The following NKAIN3 variants were observed in gnomAD, a reference collection of about 807,000 sequenced individuals.
NKAIN3 encodes the protein sodium/potassium-transporting ATPase subunit beta-1-interacting protein 3.
NKAIN3 carries 25 observed loss-of-function variants against 30.2 expected under a neutral mutation model. The ratio of observed to expected loss-of-function variants is 0.83; its 90% confidence interval spans 0.60 to 1.16. The LOEUF is 1.16. NKAIN3 is among the 50% of genes most tolerant of loss of function. The pLI, the probability that NKAIN3 is intolerant of heterozygous loss-of-function variation, is 0.00. For synonymous variants in NKAIN3, 91 were observed against 89.6 expected (o/e 1.02, Z -0.09); for missense variants, 225 against 254.1 (o/e 0.89, Z 0.78).
chr8:62,666,206 C>G (rs1159725802), intron 3 of NKAIN3, among the ~76,000 whole-genome samples: 1 of 152,102 alleles, frequency 6.6e-6, no homozygotes, highest in Non-Finnish European at 1.5e-5. Context: ...GAGCAAGACT[C>G]TCTCTGTCTC....
At chr8:62,503,470 C>G (rs1807526013) in intron 1 of NKAIN3, among the ~76,000 whole-genome samples, 1 of 152,078 alleles carries the variant, frequency 6.6e-6, no homozygotes, top group Non-Finnish European at 1.5e-5. Flanking sequence ...TAACAGAAAA[C>G]AGGGTTCGAG....
At chr8:62,265,804 C>T (rs1378419424) in intron 1 of NKAIN3, among the ~76,000 whole-genome samples, 1 of 152,136 alleles carries the variant, frequency 6.6e-6, no homozygotes, top group Non-Finnish European at 1.5e-5. Flanking sequence ...AAATTTAAAA[C>T]AATTCAATAC....
At position 62,861,456 on chromosome 8, in the gene NKAIN3, T is replaced by C. The variant is rs544820990; in HGVS notation, c.472-56997T>C. 9.8e-5 allele frequency among the ~76,000 whole-genome samples: 15 copies of C among 152,342 alleles called. No homozygotes were observed. In the South Asian group the frequency reaches 3.1e-3, roughly 32 times the overall value. On this transcript the variant is annotated intron_variant, in intron 4 of 6. Transcript: ENST00000623646. ...TGTGATTCTGGGAACTCAGGGACTT[T>C]CCTGGCGTCACTTGAAATCACTGAA... is the stretch of plus-strand genomic sequence containing the variant.
At chr8:62,854,741 A>T (rs1417568403) in intron 4 of NKAIN3, among the ~76,000 whole-genome samples, 2 of 152,198 alleles carry the variant, frequency 1.3e-5, no homozygotes, top group Non-Finnish European at 2.9e-5. Context: ...TGTCATCATG[A>T]TGCTAGCTGA....
At chr8:62,674,341 C>T (rs901588708) in intron 3 of NKAIN3, among the ~76,000 whole-genome samples, 1 of 152,162 alleles carries the variant, frequency 6.6e-6, no homozygotes, top group Non-Finnish European at 1.5e-5. Flanking sequence ...TGTTTATTTC[C>T]TCAGAAGCAG....
intron 3 of NKAIN3, among the ~76,000 whole-genome samples, chr8:62,671,655 G>GGT (rs913902643): frequency 6.6e-6 from 1 of 151,916 alleles, no homozygotes; most frequent in East Asian, 1.9e-4. Context: ...ATTAGATTGG[G>GGT]GTGTGTGTGT....
At chr8:62,353,642 T>A (rs956830394) in intron 1 of NKAIN3, among the ~76,000 whole-genome samples, 14 of 152,176 alleles carry the variant, frequency 9.2e-5, no homozygotes, top group African/African-American at 3.4e-4. Context: ...TGTCATTAAT[T>A]TTTATGTGAT....
At chr8:62,267,504 C>T (rs1812645531) in intron 1 of NKAIN3, among the ~76,000 whole-genome samples, 1 of 152,160 alleles carries the variant, frequency 6.6e-6, no homozygotes, top group Non-Finnish European at 1.5e-5. Context: ...GTCTTCTCTA[C>T]ACTATTATTT....
intron 1 of NKAIN3, among the ~76,000 whole-genome samples, chr8:62,543,946 G>C (rs1055894415): frequency 4.6e-5 from 7 of 152,068 alleles, no homozygotes; most frequent in African/African-American, 1.7e-4. Context: ...AAATGTCAAA[G>C]ACATTATCTA....
At chr8:62,724,972 G>A (rs1178076930) in intron 3 of NKAIN3, among the ~76,000 whole-genome samples, 1 of 151,776 alleles carries the variant, frequency 6.6e-6, no homozygotes, top group Non-Finnish European at 1.5e-5. Flanking sequence ...TCTCCACAGT[G>A]GTTGTGATAA....
At chr8:62,647,098 T>C (rs534632380) in intron 3 of NKAIN3, among the ~76,000 whole-genome samples, 27 of 152,268 alleles carry the variant, frequency 1.8e-4, no homozygotes, top group Non-Finnish European at 3.4e-4. Flanking sequence ...TTGAGATTCA[T>C]AACAATAGCA....
At chr8:62,717,180 A>G (rs1266738767) in intron 3 of NKAIN3, among the ~76,000 whole-genome samples, 3 of 152,190 alleles carry the variant, frequency 2.0e-5, no homozygotes, top group Non-Finnish European at 2.9e-5. Context: ...AGAGGTCACA[A>G]TTCAGTAAGT....
intron 1 of NKAIN3, among the ~76,000 whole-genome samples, chr8:62,471,418 G>A (rs763026590): frequency 6.6e-6 from 1 of 152,036 alleles, no homozygotes; most frequent in Non-Finnish European, 1.5e-5. Context: ...TGCTTGAAAT[G>A]TTTTGTAAGT....
chr8:62,736,385 C>T (rs1454374825), intron 3 of NKAIN3, among the ~76,000 whole-genome samples: 1 of 152,136 alleles, frequency 6.6e-6, no homozygotes, highest in Non-Finnish European at 1.5e-5. Flanking sequence ...GTGTGGATTT[C>T]AGGCCAATGG....
chr8:62,676,620 G>A (rs923611533), intron 3 of NKAIN3, among the ~76,000 whole-genome samples: 3 of 151,826 alleles, frequency 2.0e-5, no homozygotes, highest in African/African-American at 7.3e-5. Context: ...ATTACCAAAG[G>A]TTTAAAAACT....
intron 1 of NKAIN3, among the ~76,000 whole-genome samples, chr8:62,529,820 C>A (rs1381989020): frequency 2.0e-5 from 3 of 152,036 alleles, no homozygotes; most frequent in Non-Finnish European, 4.4e-5. Context: ...AAGTTTTTAC[C>A]CATGAAGAAA....
intron 1 of NKAIN3, among the ~76,000 whole-genome samples, chr8:62,386,530 T>G (rs1817429563): frequency 6.6e-6 from 1 of 152,190 alleles, no homozygotes; most frequent in South Asian, 2.1e-4. Flanking sequence ...ATTATTTGAT[T>G]TATTTCTAAT....
rs139526053 is a variant in NKAIN3 at position 62,280,860 on chromosome 8, C to G, written c.54+31733C>G. ...TCTTTTTTGTTGTGCCTCTGCCAGG[C>G]TTTGGTATCAGGATGATGCTGGCCT... On this transcript the variant is annotated intron_variant, in intron 1 of 6. Transcript: ENST00000623646. Among the ~76,000 whole-genome samples, 878 of 152,126 alleles carry G rather than the reference C, an allele frequency of 5.8e-3. 13 individuals are homozygous for G. The highest frequency in any genetic ancestry group is 0.02 in the African/African-American group (840 of 41,434).
At chr8:62,811,954 T>C (rs963084289) in intron 4 of NKAIN3, among the ~76,000 whole-genome samples, 1 of 151,890 alleles carries the variant, frequency 6.6e-6, no homozygotes, top group East Asian at 1.9e-4. Flanking sequence ...TGTTTTTTTT[T>C]CCCTAAAGCT....
Sources: allele counts gnomAD v4.1 joint callset (sites outside exome capture counted in the v4.1 genomes callset), GRCh38; gene constraint gnomAD v4.1.1; transcripts MANE v1.5; gene names NCBI Gene and HGNC (gene_info 2026-07-23, HGNC 2026-07-21).